Variants in SLC37A3 observed in about 807,000 individuals in gnomAD.
The protein encoded by SLC37A3 is solute carrier family 37 member 3.
A neutral mutation model predicts 67.1 loss-of-function variants in SLC37A3; 51 were observed. The ratio of observed to expected loss-of-function variants is 0.76; its 90% CI spans 0.61 to 0.96. The LOEUF (loss-of-function observed/expected upper bound fraction) is 0.96, where lower values mean the gene tolerates loss of function less well. Among genes scored for constraint, SLC37A3 ranks in the 40% least tolerant of loss-of-function variants. SLC37A3 has a pLI of 0.00. For synonymous variants in SLC37A3, 214 were observed against 231.4 expected (o/e 0.92, Z 0.68); for missense variants, 508 against 603.0 (o/e 0.84, Z 1.65).
At chr7:140,382,347 G>C in intron 2 of SLC37A3, 91 bp downstream of exon 2, 1 of 986,868 alleles carries the variant, frequency 1.0e-6, no homozygotes, top group Non-Finnish European at 1.6e-6. Flanking sequence ...ATAAGTGTAT[G>C]CCCATCAGTG....
chr7:140,395,022 G>C (rs1056722388), intron 1 of SLC37A3, among the ~76,000 whole-genome samples: 7 of 152,008 alleles, frequency 4.6e-5, no homozygotes, highest in African/African-American at 1.7e-4. Context: ...GGTTAAAATA[G>C]AAAATACTCC....
chr7:140,352,019 T>C lies in SLC37A3; in HGVS notation c.703+43A>G, dbSNP rs754475129. On this transcript the variant is annotated intron_variant, in intron 8 of 14. Transcript: ENST00000326232. ...TTGGCCTCAGATTTCCTTTCGGCCA[T>C]AATAGTAAGACATTCGGAATAGAAG... 1.5e-5 allele frequency: 24 copies of C among 1,565,624 alleles called. No homozygotes were observed. The East Asian group carries it at 1.6e-4, about 10-fold the overall frequency.
intron 5 of SLC37A3, among the ~76,000 whole-genome samples, 196 bp downstream of exon 5, chr7:140,364,188 TTGCAGTGAGCTGAGATCGCACCAC>T (rs1360343593): frequency 1.3e-5 from 2 of 150,616 alleles, no homozygotes; most frequent in Non-Finnish European, 2.9e-5. Flanking sequence ...GAGGCAGAGG[TTGCAGTGAGCTGAGATCGCACCAC>T]TGCACTCCAG....
chr7:140,345,525 T>A (rs1422397591), intron 11 of SLC37A3, among the ~76,000 whole-genome samples: 1 of 152,202 alleles, frequency 6.6e-6, no homozygotes, highest in African/African-American at 2.4e-5. Flanking sequence ...ATACCAAACC[T>A]ACTAATTACC....
chr7:140,369,127 G>A (rs1797720365), intron 4 of SLC37A3, among the ~76,000 whole-genome samples: 1 of 152,092 alleles, frequency 6.6e-6, no homozygotes, highest in Admixed American at 6.6e-5. Flanking sequence ...TCTGATCCAA[G>A]CACACCGACT....
At chr7:140,368,066 G>C (rs564437945) in intron 4 of SLC37A3, among the ~76,000 whole-genome samples, 45 of 151,756 alleles carry the variant, frequency 3.0e-4, no homozygotes, top group Non-Finnish European at 4.4e-4. Flanking sequence ...CACCTGCCTC[G>C]GTCTCCCAAA....
In SLC37A3 at chr7:140,355,774, A is replaced by T. The variant is rs770963710; in HGVS notation, c.522-10T>A. Reference sequence around the variant, plus strand: ...AAAAACAACTCCTCGTCTAAGATGGAAAACAGTGGGAGACAAAGGGCCATG... The same window carrying T: ...AAAAACAACTCCTCGTCTAAGATGGTAAACAGTGGGAGACAAAGGGCCATG... On this transcript the variant is annotated splice_polypyrimidine_tract_variant and intron_variant, in intron 6 of 14. Coordinates refer to ENST00000326232, the MANE Select transcript of SLC37A3 (RefSeq NM_207113.3). 23 of 1,612,026 alleles carry T rather than the reference A, an allele frequency of 1.4e-5. No homozygotes were observed. The African/African-American group carries it at 3.1e-4, about 22-fold the overall frequency.
At chr7:140,390,272 C>T (rs1215585060) in intron 1 of SLC37A3, among the ~76,000 whole-genome samples, 1 of 152,052 alleles carries the variant, frequency 6.6e-6, no homozygotes, top group Non-Finnish European at 1.5e-5. Flanking sequence ...CCACCCCCAG[C>T]CCTTTTGACC....
Position 140,348,719 on chromosome 7 carries a change from A to G in SLC37A3, c.931T>C (p.Phe311Leu). The part of the protein sequence containing the change: ...CLKLVNYSFF[F>L]WLPFYLSNNF... ...TTACTCAGATAAAAGGGGAGCCAGAAGAAGAAGGAGTAATTCACTAACTTC... is the reference window on the plus strand; with the variant it reads ...TTACTCAGATAAAAGGGGAGCCAGAGGAAGAAGGAGTAATTCACTAACTTC... Residue 311 changes from phenylalanine to leucine, a missense_variant, in exon 10 of 15, where the codon TTC (phenylalanine) becomes CTC (leucine). Transcript: ENST00000326232. 2 of 1,614,150 alleles carry G rather than the reference A, an allele frequency of 1.2e-6. No individual in the cohort carries two copies. The highest frequency in any genetic ancestry group is 1.7e-6 in the Non-Finnish European group (2 of 1,180,018).
intron 1 of SLC37A3, among the ~76,000 whole-genome samples, chr7:140,391,826 T>C (rs1798736731): frequency 6.6e-6 from 1 of 152,182 alleles, no homozygotes; most frequent in Admixed American, 6.6e-5. Flanking sequence ...GCAACCTTAT[T>C]GTTATCTGTA....
In SLC37A3 at chr7:140,348,618, C is replaced by T. The variant is rs185065006; in HGVS notation, c.1024+8G>A. ...CTTTATTATGGAAAAGATGTATCAC[C>T]GGCATACCTATGATCCCTCCAACGT... On this transcript the variant is annotated splice_region_variant and intron_variant, in intron 10 of 14. Transcript: ENST00000326232. The T allele has an allele frequency of 8.1e-6, 13 of 1,598,110 alleles. No individual in the cohort carries two copies. The highest frequency in any genetic ancestry group is 2.7e-5 in the African/African-American group (2 of 73,912).
intron 10 of SLC37A3, among the ~76,000 whole-genome samples, chr7:140,348,246 T>C (rs985131137): frequency 2.0e-5 from 3 of 152,138 alleles, no homozygotes; most frequent in African/African-American, 7.2e-5. Context: ...ATATTCTAAC[T>C]TGGATCTCTG....
chr7:140,363,955 T>G (rs1447188456), intron 5 of SLC37A3, among the ~76,000 whole-genome samples: 1 of 152,134 alleles, frequency 6.6e-6, no homozygotes, highest in Non-Finnish European at 1.5e-5. Context: ...ATTAGAATCT[T>G]ACTTTAAAAA....
chr7:140,358,015 G>T (rs768734595), intron 6 of SLC37A3, among the ~76,000 whole-genome samples: 14 of 152,034 alleles, frequency 9.2e-5, no homozygotes, highest in Non-Finnish European at 1.6e-4. Flanking sequence ...GGCGAAGGTT[G>T]CAGTGAGCCG....
chr7:140,348,897 A>G (rs1796685984), intron 9 of SLC37A3, 130 bp from the exon 10 acceptor site: 2 of 1,107,296 alleles, frequency 1.8e-6, no homozygotes, highest in Non-Finnish European at 2.6e-6. Context: ...ACAGTTAAAC[A>G]TCTCTACAAA....
At chr7:140,344,285 G>C (rs1235259043) in intron 12 of SLC37A3, among the ~76,000 whole-genome samples, 1 of 151,660 alleles carries the variant, frequency 6.6e-6, no homozygotes, top group South Asian at 2.1e-4. Flanking sequence ...AAAATTAGCT[G>C]GGCATGGTAG....
intron 9 of SLC37A3, 135 bp from the exon 10 acceptor site, chr7:140,348,902 T>G: frequency 4.9e-5 from 51 of 1,040,770 alleles, no homozygotes; most frequent in Middle Eastern, 3.1e-4. Context: ...TAAACATCTC[T>G]ACAAACTCCC....
chr7:140,344,081 C>CGA, intron 12 of SLC37A3: 1 of 166,622 alleles, frequency 6.0e-6, no homozygotes, highest in Non-Finnish European at 1.3e-5. Flanking sequence ...TTCCATGTAC[C>CGA]CCAAGTAGAA....
At chr7:140,349,419 G>A (rs1390692495) in intron 9 of SLC37A3, among the ~76,000 whole-genome samples, 2 of 152,060 alleles carry the variant, frequency 1.3e-5, no homozygotes, top group African/African-American at 2.4e-5. Flanking sequence ...CATCGGCCTC[G>A]TGGCTCTCCC....
Sources: gnomAD v4.1 joint callset for allele counts (sites outside exome capture counted in the v4.1 genomes callset) on GRCh38, gnomAD v4.1.1 for gene constraint, MANE v1.5 for transcripts, NCBI Gene and HGNC (gene_info 2026-07-23, HGNC 2026-07-21) for gene names.